The following MAGOHB variants were observed in gnomAD, a reference collection of about 807,000 sequenced individuals.
The protein encoded by MAGOHB is protein mago nashi homolog 2.
Under a neutral mutation model 20.9 loss-of-function variants are expected in MAGOHB, and 15 were observed. The ratio of observed to expected loss-of-function variants is 0.72; its 90% confidence interval spans 0.48 to 1.11. The LOEUF is 1.11. Ranked by LOEUF, MAGOHB falls within the 50% of genes least tolerant of loss-of-function variation. MAGOHB has a pLI of 0.00. For missense variants in MAGOHB, 162 were observed against 177.6 expected, an observed-to-expected ratio of 0.91 and a Z score of 0.50; for synonymous variants, 50 against 57.9, an observed-to-expected ratio of 0.86 and a Z score of 0.62.
intron 1 of MAGOHB, among the ~76,000 whole-genome samples, chr12:10,610,987 C>T (rs1865723848): frequency 1.3e-5 from 2 of 152,166 alleles, no homozygotes; most frequent in Non-Finnish European, 2.9e-5. Context: ...ACTAAGATTC[C>T]TTTAAAGTTT....
At chr12:10,608,094 T>G in intron 3 of MAGOHB, 158 bp from the exon 4 acceptor site, 3 of 543,218 alleles carry the variant, frequency 5.5e-6, no homozygotes, top group Non-Finnish European at 9.6e-6. Flanking sequence ...TTCTTAGATA[T>G]AAACTATATC....
chr12:10,613,331 T>C, intron 1 of MAGOHB, 108 bp downstream of exon 1: 1 of 938,566 alleles, frequency 1.1e-6, no homozygotes, highest in Non-Finnish European at 1.7e-6. Flanking sequence ...TAAGCTCCTA[T>C]TTCCTTCGAG....
chr12:10,608,675 ATTGT>A (rs1297095635), intron 3 of MAGOHB: 3 of 151,736 alleles, frequency 2.0e-5, no homozygotes, highest in African/African-American at 7.3e-5. Context: ...TTTTCCCTAT[ATTGT>A]TTATCTGCAG....
rs769148234 is a variant in MAGOHB, at chr12:10,613,571, T to G, written c.-39A>C. On this transcript the variant is annotated 5_prime_UTR_variant, in exon 1 of 5. Transcript: ENST00000320756. ...AAGCCCGCCGAAAACGCAGCCAACG[T>G]GTCCCCCGGCGCCTTGCAGTGACGT... 2.1e-6 allele frequency: 3 copies of G among 1,412,994 alleles called. No individual in the cohort carries two copies. Among genetic ancestry groups the G allele is most frequent in the Middle Eastern group, 1.8e-4 (1 of 5,702 alleles). 87.5% of individuals were successfully genotyped at this position (1,412,994 alleles called of 1,614,324 possible).
rs1422103952 is a variant in MAGOHB at position 10,607,859 on chromosome 12, C to G, written c.342G>C (p.Gln114His). Residue 114 changes from glutamine (Q) to histidine (H), a missense_variant, in exon 4 of 5, where the codon CAG (glutamine) becomes CAC (histidine). Physicochemically the swap from Gln to His is conservative, Grantham distance 24 (BLOSUM62 0). Transcript: ENST00000320756. ...AAATGCTTTAACATACTTACTTTGA[C>G]TGATTTACATCAATAAGAGAACCTA... ...SKIGSLIDVNQSKDPEGLRVF... is the reference protein window; with the variant it reads ...SKIGSLIDVNHSKDPEGLRVF... 1 of 1,571,318 alleles carries G rather than the reference C, an allele frequency of 6.4e-7. No individual in the cohort carries two copies. The highest frequency in any genetic ancestry group is 8.7e-7 in the Non-Finnish European group (1 of 1,149,054).
At chr12:10,610,577 C>CAAAAA (rs541042923) in intron 2 of MAGOHB, 45 bp downstream of exon 2, 170 of 727,876 alleles carry the variant, frequency 2.3e-4, no homozygotes, top group South Asian at 7.9e-4. Context: ...GGGCTAAATG[C>CAAAAA]AAAAAAAAAA....
intron 3 of MAGOHB, chr12:10,608,660 T>C (rs1452594206): frequency 2.0e-5 from 3 of 149,858 alleles, no homozygotes; most frequent in Admixed American, 6.6e-5. Flanking sequence ...AATTACTGTA[T>C]AGATTTTTCC....
chr12:10,601,586 A>AT (rs1316879974), downstream of MAGOHB, among the ~76,000 whole-genome samples: 1 of 152,112 alleles, frequency 6.6e-6, no homozygotes, highest in Non-Finnish European at 1.5e-5. Flanking sequence ...AAATAGTGAT[A>AT]TTTTTTGCCA....
At chr12:10,602,057 G>A (rs11053877), downstream of MAGOHB, among the ~76,000 whole-genome samples, 31,701 of 152,146 alleles carry the variant, frequency 0.21, 4,923 homozygotes, top group East Asian at 0.81. Flanking sequence ...GCCCCATTCA[G>A]ATAGATACTG....
chr12:10,606,236 C>G lies in MAGOHB; in HGVS notation c.*39G>C, dbSNP rs1470687430. 3 of 1,089,084 alleles carry G rather than the reference C, an allele frequency of 2.8e-6. No homozygotes were observed. In the African/African-American group the frequency reaches 4.9e-5, roughly 18 times the overall value. The allele number at this position is 1,089,084 out of a possible 1,614,324, so 67.5% of individuals were successfully genotyped here. On this transcript the variant is annotated 3_prime_UTR_variant, in exon 5 of 5. Transcript: ENST00000320756. ...GTAAATGACAAATAACCCCTCCCAT[C>G]CCTTAATTAAATATACAAACAGCCT... is the stretch of plus-strand genomic sequence containing the variant.
chr12:10,603,576 AT>A (rs1443304423), downstream of MAGOHB, among the ~76,000 whole-genome samples: 3 of 152,160 alleles, frequency 2.0e-5, no homozygotes, highest in Admixed American at 2.0e-4. Flanking sequence ...CCCGATGGCA[AT>A]TTAAGAGAAA....
intron 1 of MAGOHB, 39 bp from the exon 2 acceptor site, chr12:10,610,719 A>T (rs772777939): frequency 2.6e-6 from 4 of 1,542,860 alleles, no homozygotes; most frequent in Non-Finnish European, 3.5e-6. Context: ...TAATAGCAAA[A>T]ACTGCTAAAA....
intron 2 of MAGOHB, 46 bp from the exon 3 acceptor site, chr12:10,609,987 C>A: frequency 9.6e-7 from 1 of 1,043,478 alleles, no homozygotes; most frequent in Non-Finnish European, 1.4e-6. Flanking sequence ...ACCTATGTCA[C>A]CCCTCAACTC....
At chr12:10,609,569 G>A in intron 3 of MAGOHB, 1 of 475,952 alleles carries the variant, frequency 2.1e-6, no homozygotes, top group East Asian at 3.9e-5. Flanking sequence ...TCATAACACT[G>A]CATTGTGAAA....
At chr12:10,610,365 C>T (rs1049639919) in intron 2 of MAGOHB, among the ~76,000 whole-genome samples, 1 of 152,060 alleles carries the variant, frequency 6.6e-6, no homozygotes, top group Non-Finnish European at 1.5e-5. Flanking sequence ...GGTAACAGAG[C>T]GAGACTCTGT....
chr12:10,613,606 GA>G lies in MAGOHB; in HGVS notation c.-75del, dbSNP rs1865795164. The G allele has an allele frequency of 4.2e-6, 4 of 941,928 alleles. No homozygotes were observed. The highest frequency in any genetic ancestry group is 1.3e-5 in the South Asian group (1 of 77,512). 58.3% of individuals were successfully genotyped at this position (941,928 alleles called of 1,614,324 possible). A position where few individuals can be genotyped will look rare whatever the true frequency, so the allele number is the denominator to read the frequency against. On this transcript the variant is annotated 5_prime_UTR_variant, in exon 1 of 5. Transcript: ENST00000320756. ...CGCCTTGCAGTGACGTCATCGCGCG[GA>G]ATAAGTGCGTCACCACAGGCGCTTC... is the stretch of plus-strand genomic sequence containing the variant.
rs149362161 is a variant in MAGOHB at position 10,607,572 on chromosome 12, C to G, written c.347+282G>C. Among the ~76,000 whole-genome samples, 13 of 152,306 alleles carry G rather than the reference C, an allele frequency of 8.5e-5. No individual in the cohort carries two copies. The East Asian group carries it at 2.5e-3, about 29-fold the overall frequency. On this transcript the variant is annotated intron_variant, in intron 4 of 4. Transcript: ENST00000320756. ...TAAGGATTTCTTTCCTTTGGATTTG[C>G]TGATACTGTATCCACATTTTTATAC...
At position 10,610,575 on chromosome 12, in the gene MAGOHB, TGCAAAAAAA is replaced by T. The variant is rs545517716; in HGVS notation, c.153+38_153+46del. 7,945 of 1,197,592 alleles carry T rather than the reference TGCAAAAAAA, an allele frequency of 6.6e-3. 94 individuals carry two copies. Among genetic ancestry groups the T allele is most frequent in the East Asian group, 0.029 (925 of 31,880 alleles). 74.2% of individuals were successfully genotyped at this position (1,197,592 alleles called of 1,614,324 possible). ...ACAGACTTGAAGAAAATGGGCTAAATGCAAAAAAAAAAAAAAAAAAAAAAAAGACATTCA... is the reference window on the plus strand; with the variant it reads ...ACAGACTTGAAGAAAATGGGCTAAATAAAAAAAAAAAAAAAAAGACATTCA... On this transcript the variant is annotated intron_variant, in intron 2 of 4. Coordinates refer to ENST00000320756, the MANE Select transcript of MAGOHB (RefSeq NM_018048.5).
At chr12:10,608,275 G>A (rs1193784961) in intron 3 of MAGOHB, 2 of 183,002 alleles carry the variant, frequency 1.1e-5, no homozygotes, top group Non-Finnish European at 2.2e-5. Context: ...AAAAATGATT[G>A]GAGTATAAGA....
Sources: gnomAD v4.1 joint callset for allele counts (sites outside exome capture counted in the v4.1 genomes callset) on GRCh38, gnomAD v4.1.1 for gene constraint, MANE v1.5 for transcripts, NCBI Gene and HGNC (gene_info 2026-07-23, HGNC 2026-07-21) for gene names.